CAB39L: variants seen among roughly 807,000 people sequenced by gnomAD.
CAB39L encodes the protein calcium-binding protein 39-like.
In CAB39L, 23 loss-of-function variants were observed where a neutral mutation model predicts 39.1. That is an observed-to-expected ratio of 0.59 (90% CI 0.42 to 0.83). The LOEUF (loss-of-function observed/expected upper bound fraction) is 0.83. Ranked by LOEUF, CAB39L falls within the 40% of genes least tolerant of loss-of-function variation. CAB39L has a pLI of 0.00. For missense variants in CAB39L, 366 were observed against 391.9 expected (o/e 0.93, Z 0.56); for synonymous variants, 126 against 137.2 (o/e 0.92, Z 0.57).
intron 8 of CAB39L, 60 bp downstream of exon 8, chr13:49,344,119 T>C (rs185732814): frequency 1.0e-5 from 10 of 989,530 alleles, no homozygotes; most frequent in Admixed American, 1.8e-5. Context: ...CAATTGCTCA[T>C]AGATCTAAAA....
intron 3 of CAB39L, among the ~76,000 whole-genome samples, chr13:49,395,184 C>CT (rs375335698): frequency 0.017 from 2,500 of 145,118 alleles, 56 homozygotes; most frequent in African/African-American, 0.048. Context: ...AACAAATAAC[C>CT]TTTTTTTTTT....
At chr13:49,369,254 T>C (rs1171464290) in intron 5 of CAB39L, among the ~76,000 whole-genome samples, 3 of 152,232 alleles carry the variant, frequency 2.0e-5, no homozygotes, top group Admixed American at 1.3e-4. Flanking sequence ...CTAAATACTA[T>C]ACATAAATGG....
chr13:49,332,254 A>C (rs576671158), intron 9 of CAB39L, among the ~76,000 whole-genome samples, 164 bp from the exon 10 acceptor site: 21 of 152,328 alleles, frequency 1.4e-4, no homozygotes, highest in African/African-American at 5.1e-4. Flanking sequence ...GCATAAAAGC[A>C]ATAGTTATTG....
chr13:49,389,915 T>A (rs868317490), intron 3 of CAB39L, among the ~76,000 whole-genome samples: 2 of 152,140 alleles, frequency 1.3e-5, no homozygotes, highest in Admixed American at 1.3e-4. Context: ...CTTGACCTGT[T>A]GGGTTCAAGC....
At chr13:49,367,685 G>C (rs1418187785) in intron 5 of CAB39L, among the ~76,000 whole-genome samples, 1 of 152,176 alleles carries the variant, frequency 6.6e-6, no homozygotes, top group Non-Finnish European at 1.5e-5. Flanking sequence ...GAGAGGCCAA[G>C]CCTGGAGGCT....
chr13:49,351,262 TTGTGTG>T (rs3035410), intron 6 of CAB39L: 1,750 of 149,330 alleles, frequency 0.012, 39 homozygotes, highest in African/African-American at 0.041. Context: ...GGTGACTAAA[TTGTGTG>T]TGTGTGTGTG....
At chr13:49,344,418 AAAG>A (rs1194620447) in intron 7 of CAB39L, among the ~76,000 whole-genome samples, 180 bp from the exon 8 acceptor site, 1 of 152,220 alleles carries the variant, frequency 6.6e-6, no homozygotes, top group Non-Finnish European at 1.5e-5. Flanking sequence ...TCATGTTAGA[AAAG>A]AAAAACTCTG....
intron 7 of CAB39L, among the ~76,000 whole-genome samples, chr13:49,350,039 G>C (rs961694230): frequency 3.3e-5 from 5 of 152,092 alleles, no homozygotes; most frequent in Non-Finnish European, 7.4e-5. Flanking sequence ...GGGGCTGGAG[G>C]GAGGAGGAAA....
At chr13:49,332,143 A>C in intron 9 of CAB39L, 53 bp from the exon 10 acceptor site, 5 of 1,588,758 alleles carry the variant, frequency 3.1e-6, no homozygotes, top group Non-Finnish European at 4.3e-6. Flanking sequence ...CTGATTCAAA[A>C]TATAGCTCAC....
At chr13:49,377,877 C>T (rs1340974478) in intron 4 of CAB39L, among the ~76,000 whole-genome samples, 163 of 77,026 alleles carry the variant, frequency 2.1e-3, no homozygotes, top group African/African-American at 4.9e-3. Flanking sequence ...GGAGCGTCTC[C>T]GCCCGGCCGC....
At position 49,418,090 on chromosome 13, in the gene CAB39L, C is replaced by T. The variant is rs28591539; in HGVS notation, c.-32+15228G>A. Reference sequence around the variant, plus strand: ...ATGAAAACATACACCCATACAAAAACTTATACATGAATGTTCAAAGCAGCA... The same window carrying T: ...ATGAAAACATACACCCATACAAAAATTTATACATGAATGTTCAAAGCAGCA... On this transcript the variant is annotated intron_variant, in intron 3 of 10. Coordinates refer to ENST00000409308, the MANE Select transcript of CAB39L (RefSeq NM_001079670.3). Among the ~76,000 whole-genome samples the T allele has an allele frequency of 8.2e-3, 1,252 of 152,116 alleles. 19 individuals are homozygous for T. Among genetic ancestry groups the T allele is most frequent in the African/African-American group, 0.027 (1,133 of 41,468 alleles).
At chr13:49,417,109 G>A (rs1177808686) in intron 3 of CAB39L, among the ~76,000 whole-genome samples, 1 of 152,208 alleles carries the variant, frequency 6.6e-6, no homozygotes, top group Non-Finnish European at 1.5e-5. Context: ...TCCTGATTAA[G>A]ATAATGGTTG....
chr13:49,419,720 T>C (rs1391304415), intron 3 of CAB39L, among the ~76,000 whole-genome samples: 1 of 152,234 alleles, frequency 6.6e-6, no homozygotes, highest in Non-Finnish European at 1.5e-5. Flanking sequence ...TATTTTAATC[T>C]ATTTGGTTCA....
intron 7 of CAB39L, among the ~76,000 whole-genome samples, chr13:49,348,943 C>A (rs1955261658): frequency 6.6e-6 from 1 of 152,196 alleles, no homozygotes; most frequent in Admixed American, 6.5e-5. Context: ...AGGCATTCTT[C>A]TCCCTAAGTC....
chr13:49,322,649 T>C (rs943598341), intron 10 of CAB39L, among the ~76,000 whole-genome samples: 1 of 152,230 alleles, frequency 6.6e-6, no homozygotes, highest in Non-Finnish European at 1.5e-5. Context: ...GAGGAATTCA[T>C]ACTTCTAATA....
At chr13:49,370,918 A>C (rs4941638) in intron 5 of CAB39L, among the ~76,000 whole-genome samples, 81,322 of 151,882 alleles carry the variant, frequency 0.54, 23,044 homozygotes, top group African/African-American at 0.7. Flanking sequence ...ATAAAATGCC[A>C]TTTTCTATGA....
At chr13:49,338,809 G>A (rs987515020) in intron 9 of CAB39L, among the ~76,000 whole-genome samples, 8 of 152,080 alleles carry the variant, frequency 5.3e-5, no homozygotes, top group African/African-American at 2.4e-5. Flanking sequence ...AATCTCTCCC[G>A]TAAATATCAT....
At chr13:49,404,664 A>C (rs980580049) in intron 3 of CAB39L, among the ~76,000 whole-genome samples, 1 of 152,168 alleles carries the variant, frequency 6.6e-6, no homozygotes, top group African/African-American at 2.4e-5. Flanking sequence ...GTTTTGAGGA[A>C]GCTCAAAGAA....
intron 3 of CAB39L, among the ~76,000 whole-genome samples, chr13:49,386,245 TTTAC>T (rs1956358011): frequency 6.6e-6 from 1 of 152,216 alleles, no homozygotes; most frequent in Non-Finnish European, 1.5e-5. Flanking sequence ...CTAATGCTAA[TTTAC>T]TTAAATTAAA....
Sources: gnomAD v4.1 joint callset for allele counts (sites outside exome capture counted in the v4.1 genomes callset) on GRCh38, gnomAD v4.1.1 for gene constraint, MANE v1.5 for transcripts, NCBI Gene and HGNC (gene_info 2026-07-23, HGNC 2026-07-21) for gene names.